Variants in RABGAP1L observed in about 807,000 individuals in gnomAD.
The protein encoded by RABGAP1L is RAB GTPase activating protein 1 like, also known as rab GTPase-activating protein 1-like.
A neutral mutation model predicts 137.7 loss-of-function variants in RABGAP1L; 63 were observed. That is an observed-to-expected ratio of 0.46 (90% CI 0.37 to 0.56). RABGAP1L has a LOEUF of 0.56. Ranked by LOEUF, RABGAP1L falls within the 20% of genes least tolerant of loss-of-function variation. The pLI is 0.00. For synonymous variants in RABGAP1L, 431 were observed against 433.7 expected (o/e 0.99, Z 0.08); for missense variants, 1,095 against 1,244.0 (o/e 0.88, Z 1.80).
At chr1:174,167,635 A>G (rs1055454654) in intron 1 of RABGAP1L, among the ~76,000 whole-genome samples, 4 of 152,198 alleles carry the variant, frequency 2.6e-5, no homozygotes, top group African/African-American at 9.7e-5. Context: ...GAATTTCTCA[A>G]CTTCTCCTTT....
intron 19 of RABGAP1L, among the ~76,000 whole-genome samples, chr1:174,856,529 C>G (rs77497178): frequency 0.021 from 3,131 of 152,172 alleles, 51 homozygotes; most frequent in Middle Eastern, 0.082. Context: ...AATACCTGGA[C>G]AGTTTTAAAA....
At chr1:174,441,755 CAAAT>C (rs777669714) in intron 13 of RABGAP1L, among the ~76,000 whole-genome samples, 3 of 150,678 alleles carry the variant, frequency 2.0e-5, no homozygotes, top group Non-Finnish European at 3.0e-5. Flanking sequence ...AACAAACAAA[CAAAT>C]AAAAAACGAA....
chr1:174,550,903 CACATAT>C (rs1395495482), intron 13 of RABGAP1L, among the ~76,000 whole-genome samples: 2 of 96,398 alleles, frequency 2.1e-5, no homozygotes, highest in African/African-American at 5.6e-5. Context: ...TATACACACA[CACATAT>C]ACACACACAC....
At chr1:174,659,430 C>G (rs1021062647) in intron 14 of RABGAP1L, among the ~76,000 whole-genome samples, 4 of 152,156 alleles carry the variant, frequency 2.6e-5, no homozygotes, top group Admixed American at 2.6e-4. Flanking sequence ...TTCCTCCAGA[C>G]CTGTCAGCAC....
chr1:174,327,960 T>TATATATATATATAC (rs1288732947), intron 11 of RABGAP1L, among the ~76,000 whole-genome samples: 303 of 12,194 alleles, frequency 0.025, 18 homozygotes, highest in African/African-American at 0.19. Flanking sequence ...GTTGTAAATA[T>TATATATATATATAC]ATATATATAT....
chr1:174,725,207 G>A (rs1205131577), intron 17 of RABGAP1L, among the ~76,000 whole-genome samples: 4 of 152,138 alleles, frequency 2.6e-5, no homozygotes, highest in Non-Finnish European at 4.4e-5. Context: ...GCTACTGCTC[G>A]GGTAAGAGTT....
At chr1:174,647,251 A>T (rs996454964) in intron 14 of RABGAP1L, among the ~76,000 whole-genome samples, 2 of 152,102 alleles carry the variant, frequency 1.3e-5, no homozygotes, top group African/African-American at 2.4e-5. Context: ...TGTGTTGAAT[A>T]GGAGTGGTGA....
At chr1:174,886,874 T>C (rs1418151351) in intron 19 of RABGAP1L, among the ~76,000 whole-genome samples, 4 of 152,072 alleles carry the variant, frequency 2.6e-5, no homozygotes, top group African/African-American at 7.2e-5. Context: ...TGGCGCAATC[T>C]CGGCTTACTG....
chr1:174,807,918 G>A (rs888672836), intron 18 of RABGAP1L, among the ~76,000 whole-genome samples: 4 of 150,422 alleles, frequency 2.7e-5, no homozygotes, highest in African/African-American at 7.3e-5. Flanking sequence ...GCAACGTAGC[G>A]AGACCCCCAT....
At chr1:174,258,168 G>A (rs1041804865) in intron 7 of RABGAP1L, among the ~76,000 whole-genome samples, 3 of 152,194 alleles carry the variant, frequency 2.0e-5, no homozygotes, top group Admixed American at 6.5e-5. Context: ...ATTGGTAAAA[G>A]AAACATTTGC....
At chr1:174,377,135 A>G (rs1685613744) in intron 12 of RABGAP1L, among the ~76,000 whole-genome samples, 1 of 152,210 alleles carries the variant, frequency 6.6e-6, no homozygotes, top group South Asian at 2.1e-4. Flanking sequence ...ATATATAGAA[A>G]TCGAACAAAT....
chr1:174,984,057 CAAA>C (rs1163719976), intron 24 of RABGAP1L, among the ~76,000 whole-genome samples: 35,783 of 115,214 alleles, frequency 0.31, 4,348 homozygotes, highest in East Asian at 0.37. Flanking sequence ...TTTCTTCTAA[CAAA>C]AAAAAAAAAA....
At chr1:174,858,475 C>A (rs1649685305) in intron 19 of RABGAP1L, among the ~76,000 whole-genome samples, 1 of 152,124 alleles carries the variant, frequency 6.6e-6, no homozygotes, top group Non-Finnish European at 1.5e-5. Context: ...TTGTGCAAAG[C>A]ATCTTTAAAT....
chr1:174,479,248 A>G (rs1326939654), intron 13 of RABGAP1L, among the ~76,000 whole-genome samples: 1 of 152,206 alleles, frequency 6.6e-6, no homozygotes, highest in East Asian at 1.9e-4. Flanking sequence ...AGGAGAAAGT[A>G]TGGGTTACAT....
At chr1:174,203,478 G>T (rs1384742329) in intron 1 of RABGAP1L, among the ~76,000 whole-genome samples, 1 of 152,070 alleles carries the variant, frequency 6.6e-6, no homozygotes, top group East Asian at 1.9e-4. Context: ...GCCTGTTTTT[G>T]TACCCGTACC....
intron 17 of RABGAP1L, among the ~76,000 whole-genome samples, chr1:174,749,401 G>A (rs918478752): frequency 6.6e-6 from 1 of 151,088 alleles, no homozygotes; most frequent in African/African-American, 2.4e-5. Flanking sequence ...TGTGATCTTG[G>A]CTTACTGCAG....
At chr1:174,391,585 G>A (rs925886379) in intron 12 of RABGAP1L, among the ~76,000 whole-genome samples, 3 of 152,082 alleles carry the variant, frequency 2.0e-5, no homozygotes, top group Non-Finnish European at 4.4e-5. Flanking sequence ...CAAACGATCC[G>A]CCTGCTTTGG....
At chr1:174,187,773 T>A (rs1038333706) in intron 1 of RABGAP1L, among the ~76,000 whole-genome samples, 1 of 152,032 alleles carries the variant, frequency 6.6e-6, no homozygotes, top group African/African-American at 2.4e-5. Context: ...ACTAGGAAGG[T>A]CATAGGCACT....
At chr1:174,800,161 G>T (rs1688622809) in intron 18 of RABGAP1L, 1 of 1,391,764 alleles carries the variant, frequency 7.2e-7, no homozygotes, top group Non-Finnish European at 9.3e-7. Flanking sequence ...TCTCGCAGTG[G>T]ATAATTTAGC....
Sources: allele counts gnomAD v4.1 joint callset (sites outside exome capture counted in the v4.1 genomes callset), GRCh38; gene constraint gnomAD v4.1.1; transcripts MANE v1.5; gene names NCBI Gene and HGNC (gene_info 2026-07-23, HGNC 2026-07-21).